ZYG11A: variants seen among roughly 807,000 people sequenced by gnomAD.
The protein encoded by ZYG11A is zyg-11 family member A, cell cycle regulator.
ZYG11A carries 62 observed loss-of-function variants against 77.2 expected under a neutral mutation model. The ratio of observed to expected loss-of-function variants is 0.80; its 90% CI spans 0.65 to 0.99. The LOEUF is 0.99. Ranked by LOEUF, ZYG11A falls within the 50% of genes least tolerant of loss-of-function variation. The pLI is 0.00. For synonymous variants in ZYG11A, 315 were observed against 324.6 expected, an observed-to-expected ratio of 0.97 and a Z score of 0.32; for missense variants, 828 against 896.8, an observed-to-expected ratio of 0.92 and a Z score of 0.98.
intron 8 of ZYG11A, among the ~76,000 whole-genome samples, chr1:52,871,151 TAA>T (rs1646156842): frequency 6.6e-6 from 1 of 152,192 alleles, no homozygotes; most frequent in Non-Finnish European, 1.5e-5. Context: ...TTGTTTTGTT[TAA>T]GAGACTTGAT....
At chr1:52,883,420 G>A (rs1344746891) in intron 11 of ZYG11A, among the ~76,000 whole-genome samples, 1 of 149,034 alleles carries the variant, frequency 6.7e-6, no homozygotes, top group African/African-American at 2.5e-5. Flanking sequence ...CACCATGCCT[G>A]GCCAATTTAA....
In ZYG11A at chr1:52,857,687, G is replaced by C; in HGVS notation, c.946G>C (p.Val316Leu). ...FIRLRPAMQFVGLLATDAGSS... is the reference protein window; with the variant it reads ...FIRLRPAMQFLGLLATDAGSS... ...ACGACTGCGGCCTGCCATGCAATTT[G>C]TGGGACTATTGGCCACGGATGCTGG... is the stretch of plus-strand genomic sequence containing the variant. The change falls in exon 3 of 14, where the codon GTG becomes CTG. Residue 316 changes from valine to leucine, a missense_variant. Transcript: ENST00000371528. 6.4e-7 allele frequency: 1 copy of C among 1,552,252 alleles called. No individual in the cohort carries two copies. The highest frequency in any genetic ancestry group is 8.7e-7 in the Non-Finnish European group (1 of 1,147,112).
At chr1:52,864,301 G>A (rs752981389) in intron 5 of ZYG11A, 144 bp downstream of exon 5, 33 of 807,312 alleles carry the variant, frequency 4.1e-5, no homozygotes, top group Admixed American at 4.0e-4. Context: ...GCTGGAGTGC[G>A]GTGGCACGAT....
At chr1:52,851,243 G>A (rs969831720) in intron 1 of ZYG11A, among the ~76,000 whole-genome samples, 2 of 151,854 alleles carry the variant, frequency 1.3e-5, no homozygotes, top group Admixed American at 6.6e-5. Context: ...ACGGGGTTTT[G>A]CCATGTTTCC....
intron 13 of ZYG11A, among the ~76,000 whole-genome samples, chr1:52,889,985 T>G (rs1646513639): frequency 6.6e-6 from 1 of 151,738 alleles, no homozygotes; most frequent in South Asian, 2.1e-4. Flanking sequence ...AGTGCTGGGA[T>G]TACAGGCGTG....
intron 1 of ZYG11A, among the ~76,000 whole-genome samples, chr1:52,852,039 C>T (rs144569739): frequency 0.013 from 1,902 of 151,852 alleles, 59 homozygotes; most frequent in African/African-American, 0.044. Flanking sequence ...CTCTGCCTCC[C>T]GAGTAGCTAG....
At chr1:52,843,416 T>C (rs1177416783) in intron 1 of ZYG11A, among the ~76,000 whole-genome samples, 1 of 152,146 alleles carries the variant, frequency 6.6e-6, no homozygotes, top group African/African-American at 2.4e-5. Flanking sequence ...CCACCCGTGT[T>C]GTGGACGCAG....
At position 52,893,808 on chromosome 1, in the gene ZYG11A, C is replaced by CT. The variant is rs1182719295; in HGVS notation, c.*872dup. 7,799 of 110,988 alleles carry CT rather than the reference C, an allele frequency of 0.07. 864 individuals are homozygous for CT. The highest frequency in any genetic ancestry group is 0.16 in the East Asian group (512 of 3,122). The allele number at this position is 110,988 out of a possible 1,614,324, so 6.9% of individuals were successfully genotyped here. On this transcript the variant is annotated 3_prime_UTR_variant, in exon 14 of 14. Coordinates refer to ENST00000371528, the MANE Select transcript of ZYG11A (RefSeq NM_001004339.3). ...AGAAAAGAGAAATATATTTTTTTAC[C>CT]TTTTTTTTTTTTTTTTTTTTTGTGA...
At chr1:52,888,321 A>G (rs144059053) in intron 13 of ZYG11A, among the ~76,000 whole-genome samples, 213 of 152,352 alleles carry the variant, frequency 1.4e-3, no homozygotes, top group Non-Finnish European at 2.6e-3. Flanking sequence ...TCTAAAGTTT[A>G]TCTGACAGAA....
chr1:52,886,195 G>A (rs528647166), intron 12 of ZYG11A, among the ~76,000 whole-genome samples: 1 of 152,294 alleles, frequency 6.6e-6, no homozygotes, highest in East Asian at 1.9e-4. Flanking sequence ...GCCTCCTAAA[G>A]TGCTGGGATT....
intron 1 of ZYG11A, among the ~76,000 whole-genome samples, chr1:52,852,508 A>T (rs917153048): frequency 6.6e-6 from 1 of 150,412 alleles, no homozygotes; most frequent in Non-Finnish European, 1.5e-5. Context: ...GGGACTATAG[A>T]TAGGCATGTG....
chr1:52,845,792 C>T (rs1294928125), intron 1 of ZYG11A, among the ~76,000 whole-genome samples: 1 of 151,850 alleles, frequency 6.6e-6, no homozygotes, highest in East Asian at 1.9e-4. Context: ...ATCCTCCCTC[C>T]TCAGCCTCCC....
At chr1:52,869,988 C>T (rs966849863) in intron 8 of ZYG11A, among the ~76,000 whole-genome samples, 7 of 150,718 alleles carry the variant, frequency 4.6e-5, no homozygotes, top group African/African-American at 1.5e-4. Context: ...CCCTCCCGGG[C>T]GGGGCGGCTG....
At chr1:52,851,879 C>T (rs1300327040) in intron 1 of ZYG11A, among the ~76,000 whole-genome samples, 1 of 144,976 alleles carries the variant, frequency 6.9e-6, no homozygotes, top group African/African-American at 2.6e-5. Flanking sequence ...TCCTGAGTAG[C>T]TGGGATTACA....
chr1:52,855,020 C>T (rs1025763550), intron 2 of ZYG11A, among the ~76,000 whole-genome samples: 2 of 152,028 alleles, frequency 1.3e-5, no homozygotes, highest in African/African-American at 2.4e-5. Flanking sequence ...GCCCACCACA[C>T]CTGGCTGATT....
chr1:52,849,919 C>G (rs1315014878), intron 1 of ZYG11A, among the ~76,000 whole-genome samples: 2 of 146,444 alleles, frequency 1.4e-5, no homozygotes, highest in African/African-American at 5.1e-5. Flanking sequence ...CTGCCGACCT[C>G]GTGATCCGCC....
At chr1:52,880,608 G>T (rs1646347098) in intron 10 of ZYG11A, among the ~76,000 whole-genome samples, 1 of 152,154 alleles carries the variant, frequency 6.6e-6, no homozygotes, top group South Asian at 2.1e-4. Flanking sequence ...CAGGCCCACT[G>T]TAGGGACTCT....
At chr1:52,888,940 T>C (rs2150023807) in intron 13 of ZYG11A, among the ~76,000 whole-genome samples, 1 of 152,266 alleles carries the variant, frequency 6.6e-6, no homozygotes, top group South Asian at 2.1e-4. Context: ...AGATAGCAGA[T>C]GATTGGATCA....
intron 8 of ZYG11A, among the ~76,000 whole-genome samples, chr1:52,870,747 G>A (rs537343681): frequency 6.6e-5 from 10 of 152,284 alleles, no homozygotes; most frequent in African/African-American, 2.4e-4. Flanking sequence ...TGCAGTCGCA[G>A]GCACTCGGCA....
Sources: gnomAD v4.1 joint callset for allele counts (sites outside exome capture counted in the v4.1 genomes callset) on GRCh38, gnomAD v4.1.1 for gene constraint, MANE v1.5 for transcripts, NCBI Gene and HGNC (gene_info 2026-07-23, HGNC 2026-07-21) for gene names.